Variants in ORC5 observed in about 807,000 individuals in gnomAD.
ORC5 encodes origin recognition complex subunit 5.
ORC5 carries 39 observed loss-of-function variants against 58.8 expected under a neutral mutation model. The ratio of observed to expected loss-of-function variants is 0.66; its 90% CI spans 0.51 to 0.87. The LOEUF is 0.87. ORC5 is among the 40% of genes least tolerant of loss of function. The pLI is 0.00. For missense variants in ORC5, 493 were observed against 506.3 expected, an observed-to-expected ratio of 0.97 and a Z score of 0.25; for synonymous variants, 218 against 177.6, an observed-to-expected ratio of 1.23 and a Z score of -1.81.
rs1374859867 is a variant in ORC5 at position 104,138,003 on chromosome 7, C to T, written c.1150-1110G>A. On this transcript the variant is annotated intron_variant, in intron 12 of 13. Coordinates refer to ENST00000297431, the MANE Select transcript of ORC5 (RefSeq NM_002553.4). The surrounding 1 kb of genome is among the most constrained non-coding windows in gnomAD (Gnocchi z 4.7). Reference sequence around the variant, plus strand: ...CACTGTAACACGCCCACTGCGGCTTCAGGAGCTGTAAGCATTCATCCCTAG... The same window carrying T: ...CACTGTAACACGCCCACTGCGGCTTTAGGAGCTGTAAGCATTCATCCCTAG... 6.6e-6 allele frequency among the ~76,000 whole-genome samples: 1 copy of T among 152,224 alleles called. No individual in the cohort carries two copies. Among genetic ancestry groups the T allele is most frequent in the Non-Finnish European group, 1.5e-5 (1 of 68,044 alleles).
In ORC5 at chr7:104,161,095, G is replaced by C. The variant is rs1228085972; in HGVS notation, c.1126C>G (p.Pro376Ala). 1 of 1,593,032 alleles carries C rather than the reference G, an allele frequency of 6.3e-7. No individual in the cohort carries two copies. Among genetic ancestry groups the C allele is most frequent in the Non-Finnish European group, 8.6e-7 (1 of 1,161,642 alleles). ...LYSIVDSRVA[P>A]TANIFSQITS... ...ACCTGGGAAAAAATATTTGCTGTTG[G>C]AGCAACTCTGCTGTCCACGATACTA... The change falls in exon 12 of 14, where the codon CCA becomes GCA. Residue 376 changes from proline to alanine, a missense_variant. This residue lies in a region of ORC5 where 77 missense variants were observed against 86.1 expected (regional missense o/e 0.89). Transcript: ENST00000297431.
intron 8 of ORC5, among the ~76,000 whole-genome samples, chr7:104,174,322 C>T (rs1799277947): frequency 6.6e-6 from 1 of 152,192 alleles, no homozygotes; most frequent in Admixed American, 6.5e-5. Context: ...TCCCCACCAT[C>T]TAAAACACTG....
chr7:104,150,006 G>C (rs1798819481), intron 12 of ORC5, among the ~76,000 whole-genome samples: 1 of 152,112 alleles, frequency 6.6e-6, no homozygotes, highest in Non-Finnish European at 1.5e-5. Flanking sequence ...TAGGGGATGA[G>C]CTGATTATTT....
At chr7:104,197,827 AAG>A (rs1175412036) in intron 3 of ORC5, 28 bp from the exon 4 acceptor site, 3 of 1,389,938 alleles carry the variant, frequency 2.2e-6, no homozygotes, top group Non-Finnish European at 2.0e-6. Context: ...ACAAAACAAA[AAG>A]AAATGCATTT....
chr7:104,176,037 T>C (rs1041197439), intron 8 of ORC5, among the ~76,000 whole-genome samples: 4 of 152,274 alleles, frequency 2.6e-5, no homozygotes, highest in Admixed American at 2.6e-4. Context: ...ACAGTCTTCA[T>C]AAGATTGCCT....
chr7:104,135,808 T>G (rs1162578635), intron 13 of ORC5, among the ~76,000 whole-genome samples: 1 of 152,146 alleles, frequency 6.6e-6, no homozygotes, highest in Non-Finnish European at 1.5e-5. Flanking sequence ...TTGAAATATA[T>G]GTAAATACTT....
At chr7:104,126,985 G>T in intron 13 of ORC5, 92 bp from the exon 14 acceptor site, 1 of 824,206 alleles carries the variant, frequency 1.2e-6, no homozygotes, top group South Asian at 1.8e-5. Flanking sequence ...AATAATTCAT[G>T]ACTAATGCTA....
chr7:104,166,682 C>CT, intron 10 of ORC5, 90 bp downstream of exon 10: 1 of 718,684 alleles, frequency 1.4e-6, no homozygotes. Context: ...ATTCTAATCT[C>CT]TTCCCCTTAG....
chr7:104,169,946 TGTTA>T (rs1401510540), intron 8 of ORC5, among the ~76,000 whole-genome samples: 1 of 152,204 alleles, frequency 6.6e-6, no homozygotes, highest in Non-Finnish European at 1.5e-5. Context: ...TCAATCCTTT[TGTTA>T]GTTTCTCCAG....
In ORC5 at chr7:104,177,527, C is replaced by T. The variant is rs79475156; in HGVS notation, c.824+6416G>A. ...TATATAATTCTGTACACAAAGTATA[C>T]CCCCAAAAATAAGATGTGTTTTTAA... On this transcript the variant is annotated intron_variant, in intron 8 of 13. Transcript: ENST00000297431. Among the ~76,000 whole-genome samples, 23 of 152,050 alleles carry T rather than the reference C, an allele frequency of 1.5e-4. No homozygotes were observed. The East Asian group carries it at 4.4e-3, about 29-fold the overall frequency.
rs1798626538 is a variant in ORC5 at position 104,138,590 on chromosome 7, G to A, written c.1150-1697C>T. Among the ~76,000 whole-genome samples the A allele has an allele frequency of 6.6e-6, 1 of 151,728 alleles. No homozygotes were observed. The highest frequency in any genetic ancestry group is 1.5e-5 in the Non-Finnish European group (1 of 67,948). Reference sequence around the variant, plus strand: ...AGTGGCGCAATCATGGCTCACTGCAGCCTCAACCTCCCCAGACTCAGGTGA... The same window carrying A: ...AGTGGCGCAATCATGGCTCACTGCAACCTCAACCTCCCCAGACTCAGGTGA... On this transcript the variant is annotated intron_variant, in intron 12 of 13. Transcript: ENST00000297431. The surrounding 1 kb of genome is among the most constrained non-coding windows in gnomAD (Gnocchi z 4.7).
intron 5 of ORC5, among the ~76,000 whole-genome samples, chr7:104,190,472 TTACTC>T (rs1799650173): frequency 1.3e-5 from 2 of 152,160 alleles, no homozygotes; most frequent in Non-Finnish European, 2.9e-5. Flanking sequence ...TTTGATATCT[TTACTC>T]TACTTCTATT....
At chr7:104,202,440 G>A in intron 2 of ORC5, 2 of 430,526 alleles carry the variant, frequency 4.6e-6, no homozygotes, top group Non-Finnish European at 9.3e-6. Flanking sequence ...TGTCCTTTAA[G>A]AACAAAAGTC....
chr7:104,169,640 T>C (rs1243654176), intron 8 of ORC5, among the ~76,000 whole-genome samples: 2 of 152,220 alleles, frequency 1.3e-5, no homozygotes, highest in Non-Finnish European at 2.9e-5. Context: ...CAATTAAATA[T>C]CCAAAATCTG....
chr7:104,140,683 A>G (rs1798658154), intron 12 of ORC5, among the ~76,000 whole-genome samples: 1 of 152,196 alleles, frequency 6.6e-6, no homozygotes, highest in African/African-American at 2.4e-5. Context: ...TGTTCTGCCC[A>G]CCAGGCCCCT....
chr7:104,153,911 G>A (rs933967203), intron 12 of ORC5, among the ~76,000 whole-genome samples: 6 of 151,978 alleles, frequency 3.9e-5, no homozygotes, highest in Admixed American at 3.9e-4. Context: ...TTTAATGAAT[G>A]TAGCTACTTT....
At chr7:104,204,367 T>C (rs932028162) in intron 1 of ORC5, 133 bp from the exon 2 acceptor site, 2 of 627,258 alleles carry the variant, frequency 3.2e-6, no homozygotes, top group Admixed American at 3.0e-5. Context: ...ATATTGTGGA[T>C]GCATCAACAC....
At chr7:104,186,521 A>G (rs945146822) in intron 6 of ORC5, among the ~76,000 whole-genome samples, 6 of 152,190 alleles carry the variant, frequency 3.9e-5, no homozygotes, top group African/African-American at 1.2e-4. Context: ...ACCTAAATGA[A>G]TATCAAAGTA....
At chr7:104,195,874 G>T (rs1371745947) in intron 4 of ORC5, among the ~76,000 whole-genome samples, 1 of 152,130 alleles carries the variant, frequency 6.6e-6, no homozygotes, top group African/African-American at 2.4e-5. Context: ...TGGGCAGAAA[G>T]ATTTTAAATT....
Sources: allele counts gnomAD v4.1 joint callset (sites outside exome capture counted in the v4.1 genomes callset), GRCh38; gene constraint gnomAD v4.1.1; regional missense constraint gnomAD v4.1.1; non-coding constraint Gnocchi (gnomAD v3.1); transcripts MANE v1.5; gene names NCBI Gene and HGNC (gene_info 2026-07-23, HGNC 2026-07-21).